Variants in KCNA2 observed in about 807,000 individuals in gnomAD.
The protein encoded by KCNA2 is potassium channel, voltage gated shaker related subfamily A, member 2.
Under a neutral mutation model 33.4 loss-of-function variants are expected in KCNA2, and 11 were observed. The observed-to-expected ratio is 0.33, with a 90% CI of 0.21 to 0.55. The LOEUF (loss-of-function observed/expected upper bound fraction) is 0.55. KCNA2 is among the 20% of genes least tolerant of loss of function. KCNA2 has a pLI of 0.93. For missense variants in KCNA2, 291 were observed against 621.6 expected, an observed-to-expected ratio of 0.47 and a Z score of 5.66; for synonymous variants, 222 against 231.3, an observed-to-expected ratio of 0.96 and a Z score of 0.37.
Position 110,595,062 on chromosome 1 carries a change from A to T in KCNA2, c.*8221T>A, listed in dbSNP as rs556800451. 1.3e-5 allele frequency: 13 copies of T among 985,380 alleles called. No homozygotes were observed. In the African/African-American group the frequency reaches 2.1e-4, roughly 16 times the overall value. The allele number at this position is 985,380 out of a possible 1,614,324, so 61.0% of individuals were successfully genotyped here. On this transcript the variant is annotated 3_prime_UTR_variant, in exon 3 of 3. Coordinates refer to ENST00000316361, the MANE Select transcript of KCNA2 (RefSeq NM_004974.4). ...TCATTTTCAAGGAGAAGCAGGGCTTAGAGGCCTCTCACAGAGACTCAGAAA... is the reference window on the plus strand; with the variant it reads ...TCATTTTCAAGGAGAAGCAGGGCTTTGAGGCCTCTCACAGAGACTCAGAAA...
chr1:110,594,276 CCTCTCTCT>C lies in KCNA2; in HGVS notation c.*8999_*9006del, dbSNP rs67332071. On this transcript the variant is annotated 3_prime_UTR_variant, in exon 3 of 3. Coordinates refer to ENST00000316361, the MANE Select transcript of KCNA2 (RefSeq NM_004974.4). The stretch of plus-strand genomic sequence containing the variant: ...GAGCCTAAGTGAGTGGCGGCCATTT[CCTCTCTCT>C]CTCTCTCTCTATATATATATATACA... The C allele has an allele frequency of 2.4e-6, 2 of 828,998 alleles. No individual in the cohort carries two copies. Among genetic ancestry groups the C allele is most frequent in the Non-Finnish European group, 2.9e-6 (2 of 692,664 alleles). The allele number at this position is 828,998 out of a possible 1,614,324, so 51.4% of individuals were successfully genotyped here.
At chr1:110,618,211 A>T (rs560705501) in intron 1 of KCNA2, among the ~76,000 whole-genome samples, 2 of 152,274 alleles carry the variant, frequency 1.3e-5, no homozygotes, top group South Asian at 2.1e-4. Flanking sequence ...TCTGGGCATG[A>T]TGGCACCCAC....
rs1649333568 is a variant in KCNA2, at chr1:110,601,332, T to G, written c.*1951A>C. On this transcript the variant is annotated 3_prime_UTR_variant, in exon 3 of 3. Coordinates refer to ENST00000316361, the MANE Select transcript of KCNA2 (RefSeq NM_004974.4). ...AGTGGAATTTGGTCCCAGGGAGTCC[T>G]ACTCCTTGGTGTCCTTGGTTTCAAA... The G allele has an allele frequency of 1.0e-6, 1 of 985,122 alleles. No homozygotes were observed. Among genetic ancestry groups the G allele is most frequent in the African/African-American group, 1.7e-5 (1 of 57,360 alleles). The allele number at this position is 985,122 out of a possible 1,614,324, so 61.0% of individuals were successfully genotyped here.
rs1385461849 is a variant in KCNA2, at chr1:110,599,436, T to C, written c.*3847A>G. 4.1e-6 allele frequency: 4 copies of C among 985,222 alleles called. No homozygotes were observed. Among genetic ancestry groups the C allele is most frequent in the Non-Finnish European group, 4.8e-6 (4 of 829,908 alleles). 61.0% of individuals were successfully genotyped at this position (985,222 alleles called of 1,614,324 possible). ...TGAACTGGGTTGCATAGCAATTGGA[T>C]GGGAGGCAGGGCATCCAGGGGAGCC... is the stretch of plus-strand genomic sequence containing the variant. On this transcript the variant is annotated 3_prime_UTR_variant, in exon 3 of 3. Coordinates refer to ENST00000316361, the MANE Select transcript of KCNA2 (RefSeq NM_004974.4).
Position 110,598,729 on chromosome 1 carries a change from A to T in KCNA2, c.*4554T>A. ...GGTGACATGCCAACACTAGCCTCAG[A>T]AACACAGGTGAGAGGGACAGAGGCA... On this transcript the variant is annotated 3_prime_UTR_variant, in exon 3 of 3. Transcript: ENST00000316361. The T allele has an allele frequency of 1.0e-6, 1 of 985,404 alleles. No homozygotes were observed. Among genetic ancestry groups the T allele is most frequent in the Non-Finnish European group, 1.2e-6 (1 of 829,950 alleles). The allele number at this position is 985,404 out of a possible 1,614,324, so 61.0% of individuals were successfully genotyped here. A position where few individuals can be genotyped will look rare whatever the true frequency, so the allele number is the denominator to read the frequency against.
chr1:110,618,368 CTT>C (rs899394092), intron 1 of KCNA2, among the ~76,000 whole-genome samples: 4 of 152,268 alleles, frequency 2.6e-5, no homozygotes, highest in African/African-American at 9.6e-5. Flanking sequence ...ATTTTATCCT[CTT>C]TTAATTCCTC....
rs558937281 is a variant in KCNA2, at chr1:110,625,411, A to G, written c.-496+5984T>C. The stretch of plus-strand genomic sequence containing the variant: ...TAGGGATGGCTTTTTAATAAATGGT[A>G]TAATGACTACTGAGTAGCCACACCA... On this transcript the variant is annotated intron_variant, in intron 1 of 4. Transcript: ENST00000369770. Among the ~76,000 whole-genome samples, 9 of 152,304 alleles carry G rather than the reference A, an allele frequency of 5.9e-5. No homozygotes were observed. The South Asian group carries it at 1.9e-3, about 32-fold the overall frequency.
chr1:110,609,144 G>T (rs1649787848), upstream of KCNA2, among the ~76,000 whole-genome samples: 1 of 152,128 alleles, frequency 6.6e-6, no homozygotes, highest in Non-Finnish European at 1.5e-5. Flanking sequence ...GCACCAAGGG[G>T]CTCTGTTTCT....
chr1:110,630,875 C>CAT (rs1650536210), intron 1 of KCNA2, among the ~76,000 whole-genome samples: 1 of 152,122 alleles, frequency 6.6e-6, no homozygotes, highest in Admixed American at 6.5e-5. Context: ...ATCATCTGTC[C>CAT]CCCTGGCCAC....
chr1:110,604,996 T>C lies in KCNA2; in HGVS notation c.-163-51A>G, dbSNP rs2101405940. 1.8e-6 allele frequency: 1 copy of C among 545,846 alleles called. No individual in the cohort carries two copies. The highest frequency in any genetic ancestry group is 3.0e-5 in the East Asian group (1 of 33,118). 33.8% of individuals were successfully genotyped at this position (545,846 alleles called of 1,614,324 possible). ...ATGAGGCTACTCAGCATTGGCAGCC[T>C]GACCTGGGTTGCCACTTTTTGTCTC... On this transcript the variant is annotated intron_variant, in intron 2 of 2. Transcript: ENST00000316361. This position sits in a 1 kb window ranked among gnomAD's most constrained non-coding sequence, Gnocchi z 7.6.
chr1:110,604,891 T>A lies in KCNA2; in HGVS notation c.-109A>T. The A allele has an allele frequency of 1.9e-6, 2 of 1,060,170 alleles. No individual in the cohort carries two copies. Among genetic ancestry groups the A allele is most frequent in the Non-Finnish European group, 2.8e-6 (2 of 720,140 alleles). 65.7% of individuals were successfully genotyped at this position (1,060,170 alleles called of 1,614,324 possible). A position where few individuals can be genotyped will look rare whatever the true frequency, so the allele number is the denominator to read the frequency against. Reference sequence around the variant, plus strand: ...GAAGCACAGGAGCATTGGCCTGGTCTCCTGCAGGAGAGCCCCGAGAGCTCT... The same window carrying A: ...GAAGCACAGGAGCATTGGCCTGGTCACCTGCAGGAGAGCCCCGAGAGCTCT... On this transcript the variant is annotated 5_prime_UTR_variant, in exon 3 of 3. Transcript: ENST00000316361. The surrounding 1 kb of genome is among the most constrained non-coding windows in gnomAD (Gnocchi z 7.6).
intron 1 of KCNA2, among the ~76,000 whole-genome samples, chr1:110,630,660 G>C (rs1235136228): frequency 1.3e-5 from 2 of 152,182 alleles, no homozygotes; most frequent in African/African-American, 4.8e-5. Context: ...TAATTGTTAA[G>C]TCATTATTAT....
chr1:110,606,234 T>G lies in KCNA2; in HGVS notation c.-502A>C, dbSNP rs936423861. 1 of 152,452 alleles carries G rather than the reference T, an allele frequency of 6.6e-6. No individual in the cohort carries two copies. The highest frequency in any genetic ancestry group is 6.5e-5 in the Admixed American group (1 of 15,284). The allele number at this position is 152,452 out of a possible 1,614,324, so 9.4% of individuals were successfully genotyped here. A position where few individuals can be genotyped will look rare whatever the true frequency, so the allele number is the denominator to read the frequency against. On this transcript the variant is annotated 5_prime_UTR_variant, in exon 1 of 3. Coordinates refer to ENST00000316361, the MANE Select transcript of KCNA2 (RefSeq NM_004974.4). ...GAAAACTGGATGAACTTACTCTCCC[T>G]CCGGGATCCCTGGGCCGCAGGCCTC...
chr1:110,618,899 C>T (rs1269601779), intron 1 of KCNA2, among the ~76,000 whole-genome samples: 6 of 152,204 alleles, frequency 3.9e-5, no homozygotes, highest in African/African-American at 1.4e-4. Flanking sequence ...AGATGCTCTA[C>T]TCTCACCTGG....
At chr1:110,618,084 G>A (rs573897042) in intron 1 of KCNA2, among the ~76,000 whole-genome samples, 14 of 152,224 alleles carry the variant, frequency 9.2e-5, no homozygotes, top group Non-Finnish European at 1.6e-4. Context: ...GCTCATGCCT[G>A]TAATCCCAGC....
In KCNA2 at chr1:110,594,906, T is replaced by G. The variant is rs1649031686; in HGVS notation, c.*8377A>C. 1.0e-6 allele frequency: 1 copy of G among 985,356 alleles called. No homozygotes were observed. The highest frequency in any genetic ancestry group is 1.7e-5 in the African/African-American group (1 of 57,248). The allele number at this position is 985,356 out of a possible 1,614,324, so 61.0% of individuals were successfully genotyped here. A position where few individuals can be genotyped will look rare whatever the true frequency, so the allele number is the denominator to read the frequency against. On this transcript the variant is annotated 3_prime_UTR_variant, in exon 3 of 3. Transcript: ENST00000316361. ...CTAAAAAGGCAGTAATGTTAGCAGC[T>G]GACATGGAAATTGTTTGGTAGCAAA...
At chr1:110,623,793 G>C (rs1404060463) in intron 1 of KCNA2, among the ~76,000 whole-genome samples, 1 of 152,026 alleles carries the variant, frequency 6.6e-6, no homozygotes, top group Non-Finnish European at 1.5e-5. Context: ...TTTAAAAATG[G>C]GCAAGATAAC....
Position 110,596,666 on chromosome 1 carries a change from G to T in KCNA2, c.*6617C>A. ...TCTTCAAACACTCTACTTAACTAAG[G>T]CAGGAAAGTTATGCTAACCTACTTA... is the stretch of plus-strand genomic sequence containing the variant. On this transcript the variant is annotated 3_prime_UTR_variant, in exon 3 of 3. Transcript: ENST00000316361. The T allele has an allele frequency of 2.2e-6, 2 of 894,360 alleles. No individual in the cohort carries two copies. The highest frequency in any genetic ancestry group is 2.7e-6 in the Non-Finnish European group (2 of 747,008). 55.4% of individuals were successfully genotyped at this position (894,360 alleles called of 1,614,324 possible).
Position 110,599,812 on chromosome 1 carries a change from G to A in KCNA2, c.*3471C>T. ...TGGGAGAAGGGGAGCCTGGGCTATTGGGTTGTCTGTGCGGATTTGCTGGAA... is the reference window on the plus strand; with the variant it reads ...TGGGAGAAGGGGAGCCTGGGCTATTAGGTTGTCTGTGCGGATTTGCTGGAA... On this transcript the variant is annotated 3_prime_UTR_variant, in exon 3 of 3. Transcript: ENST00000316361. 1.0e-6 allele frequency: 1 copy of A among 985,556 alleles called. No homozygotes were observed. The highest frequency in any genetic ancestry group is 1.2e-6 in the Non-Finnish European group (1 of 830,084). 61.1% of individuals were successfully genotyped at this position (985,556 alleles called of 1,614,324 possible). A position where few individuals can be genotyped will look rare whatever the true frequency, so the allele number is the denominator to read the frequency against.
Sources: gnomAD v4.1 joint callset for allele counts (sites outside exome capture counted in the v4.1 genomes callset) on GRCh38, gnomAD v4.1.1 for gene constraint, Gnocchi (gnomAD v3.1) non-coding constraint, MANE v1.5 for transcripts, NCBI Gene and HGNC (gene_info 2026-07-23, HGNC 2026-07-21) for gene names.